Variants in CADM1 observed in about 807,000 individuals in gnomAD.
CADM1 encodes cell adhesion molecule 1, also known as TSLC-1.
In CADM1, 15 loss-of-function variants were observed where a neutral mutation model predicts 53.1. The ratio of observed to expected loss-of-function variants is 0.28; its 90% CI spans 0.19 to 0.44. CADM1 has a LOEUF of 0.44. Among genes scored for constraint, CADM1 ranks in the 20% least tolerant of loss-of-function variants. The pLI is 1.00. For missense variants in CADM1, 434 were observed against 611.3 expected, an observed-to-expected ratio of 0.71 and a Z score of 3.06; for synonymous variants, 281 against 243.0, an observed-to-expected ratio of 1.16 and a Z score of -1.45.
At chr11:115,249,215 T>C (rs1264154903) in intron 1 of CADM1, among the ~76,000 whole-genome samples, 1 of 152,262 alleles carries the variant, frequency 6.6e-6, no homozygotes, top group Non-Finnish European at 1.5e-5. Context: ...AGGCCAATTG[T>C]TGATCTTCTG....
At chr11:115,345,807 C>A (rs1479213754) in intron 1 of CADM1, among the ~76,000 whole-genome samples, 1 of 152,194 alleles carries the variant, frequency 6.6e-6, no homozygotes, top group Non-Finnish European at 1.5e-5. Flanking sequence ...TCCAAGGACC[C>A]TCTTGCTCTA....
chr11:115,442,913 T>C (rs1789650663), intron 1 of CADM1, among the ~76,000 whole-genome samples: 2 of 152,190 alleles, frequency 1.3e-5, no homozygotes, highest in South Asian at 2.1e-4. Context: ...TTTTCATCAG[T>C]ATGTTTATAA....
chr11:115,499,244 T>C (rs577694066), intron 1 of CADM1, among the ~76,000 whole-genome samples: 84 of 152,354 alleles, frequency 5.5e-4, no homozygotes, highest in African/African-American at 1.9e-3. Flanking sequence ...CTACTGCTAA[T>C]ATTAATCCTT....
chr11:115,429,060 A>C (rs1023532307), intron 1 of CADM1, among the ~76,000 whole-genome samples: 1 of 152,174 alleles, frequency 6.6e-6, no homozygotes, highest in Non-Finnish European at 1.5e-5. Context: ...GTCATGGGAA[A>C]GGATGACGAG....
intron 1 of CADM1, among the ~76,000 whole-genome samples, chr11:115,313,919 C>T (rs964327204): frequency 6.6e-6 from 1 of 152,146 alleles, no homozygotes; most frequent in Non-Finnish European, 1.5e-5. Context: ...GGACCACCCA[C>T]CCTAGACTAG....
intron 1 of CADM1, among the ~76,000 whole-genome samples, chr11:115,306,072 C>CCACACACACA (rs6144515): frequency 0.012 from 1,576 of 130,384 alleles, 38 homozygotes; most frequent in African/African-American, 0.034. Flanking sequence ...AGGATATATA[C>CCACACACACA]CACACACACA....
intron 1 of CADM1, among the ~76,000 whole-genome samples, chr11:115,468,281 C>T (rs1948937873): frequency 6.6e-6 from 1 of 152,186 alleles, no homozygotes; most frequent in Admixed American, 6.5e-5. Context: ...ATCACAATCT[C>T]AGTCTTATAT....
intron 7 of CADM1, among the ~76,000 whole-genome samples, chr11:115,211,475 C>T (rs200087206): frequency 2.8e-4 from 26 of 92,244 alleles, no homozygotes; most frequent in East Asian, 6.9e-4. Flanking sequence ...AATCCTATTT[C>T]TTTTTTTTTT....
intron 1 of CADM1, among the ~76,000 whole-genome samples, chr11:115,263,203 C>A (rs572588706): frequency 1.3e-5 from 2 of 152,354 alleles, no homozygotes; most frequent in African/African-American, 4.8e-5. Context: ...TGCCAGGTTT[C>A]TCCACTGAAA....
At chr11:115,293,631 G>A (rs1424299376) in intron 1 of CADM1, among the ~76,000 whole-genome samples, 1 of 152,140 alleles carries the variant, frequency 6.6e-6, no homozygotes, top group Non-Finnish European at 1.5e-5. Flanking sequence ...ATGTTATACT[G>A]TAAATGCCCT....
At chr11:115,202,051 C>T (rs1940456020) in intron 8 of CADM1, among the ~76,000 whole-genome samples, 1 of 152,080 alleles carries the variant, frequency 6.6e-6, no homozygotes, top group African/African-American at 2.4e-5. Flanking sequence ...TTCTTAGTCT[C>T]CTAGTCCTAC....
At position 115,276,146 on chromosome 11, in the gene CADM1, A is replaced by C. The variant is rs1390075080; in HGVS notation, c.125-35726T>G. ...AGCAGGCAGTGAATATTTAATGCTT[A>C]TACTAGTATTTATTAATTTCGCATC... On this transcript the variant is annotated intron_variant, in intron 1 of 11. Transcript: ENST00000331581. Among the ~76,000 whole-genome samples, 5 of 152,278 alleles carry C rather than the reference A, an allele frequency of 3.3e-5. No homozygotes were observed. The East Asian group carries it at 9.6e-4, about 29-fold the overall frequency.
intron 1 of CADM1, among the ~76,000 whole-genome samples, chr11:115,469,194 A>G (rs983715794): frequency 8.5e-5 from 13 of 152,170 alleles, no homozygotes; most frequent in Non-Finnish European, 2.9e-5. Flanking sequence ...CTAATTATAA[A>G]TATGGCTAAG....
chr11:115,485,973 A>G (rs1254405120), intron 1 of CADM1, among the ~76,000 whole-genome samples: 1 of 152,176 alleles, frequency 6.6e-6, no homozygotes, highest in Non-Finnish European at 1.5e-5. Context: ...CCCACATATA[A>G]CATTTACATT....
intron 1 of CADM1, among the ~76,000 whole-genome samples, chr11:115,500,373 G>A (rs180874459): frequency 3.3e-5 from 5 of 152,134 alleles, no homozygotes; most frequent in East Asian, 1.9e-4. Flanking sequence ...AAAATGTCAC[G>A]TACAGAAATC....
chr11:115,400,089 A>G (rs951562484), intron 1 of CADM1, among the ~76,000 whole-genome samples: 1 of 152,222 alleles, frequency 6.6e-6, no homozygotes, highest in South Asian at 2.1e-4. Context: ...GGTGGCAAAG[A>G]AAGTCTCTAG....
chr11:115,234,177 C>G (rs1274563220), intron 3 of CADM1, among the ~76,000 whole-genome samples: 2 of 152,120 alleles, frequency 1.3e-5, no homozygotes, highest in Non-Finnish European at 2.9e-5. Context: ...CTCTGTTTAC[C>G]CCAAGCTTCT....
intron 1 of CADM1, among the ~76,000 whole-genome samples, chr11:115,435,968 A>G (rs1330943514): frequency 6.6e-6 from 1 of 152,196 alleles, no homozygotes; most frequent in African/African-American, 2.4e-5. Context: ...AACATCTAAG[A>G]AACCTACAAA....
intron 1 of CADM1, among the ~76,000 whole-genome samples, chr11:115,491,573 A>T (rs974660610): frequency 6.6e-6 from 1 of 152,164 alleles, no homozygotes; most frequent in Non-Finnish European, 1.5e-5. Context: ...CTCAAAAAAA[A>T]AAGAAAATAA....
Sources: gnomAD v4.1 joint callset for allele counts (sites outside exome capture counted in the v4.1 genomes callset) on GRCh38, gnomAD v4.1.1 for gene constraint, MANE v1.5 for transcripts, NCBI Gene and HGNC (gene_info 2026-07-23, HGNC 2026-07-21) for gene names.